Variants in FAM227B observed in about 807,000 individuals in gnomAD.
FAM227B encodes family with sequence similarity 227 member B.
Under a neutral mutation model 73.8 loss-of-function variants are expected in FAM227B, and 88 were observed. The observed-to-expected ratio is 1.19, with a 90% confidence interval of 1.00 to 1.42. The LOEUF is 1.42. FAM227B is among the 40% of genes most tolerant of loss of function. The pLI, the probability that FAM227B is intolerant of heterozygous loss-of-function variation, is 0.00. For missense variants in FAM227B, 632 were observed against 590.9 expected (o/e 1.07, Z -0.72); for synonymous variants, 210 against 190.5 (o/e 1.10, Z -0.84).
At chr15:49,440,902 A>G (rs2051575952) in intron 11 of FAM227B, among the ~76,000 whole-genome samples, 1 of 151,784 alleles carries the variant, frequency 6.6e-6, no homozygotes, top group South Asian at 2.1e-4. Context: ...TAAGTTTTCT[A>G]TCAAGATGAT....
intron 9 of FAM227B, among the ~76,000 whole-genome samples, chr15:49,556,985 C>G (rs1483734814): frequency 6.6e-6 from 1 of 152,130 alleles, no homozygotes; most frequent in East Asian, 1.9e-4. Context: ...GCCTGCTCAT[C>G]TCACCTCTTC....
At chr15:49,519,149 T>C (rs2059599016) in intron 10 of FAM227B, among the ~76,000 whole-genome samples, 1 of 152,212 alleles carries the variant, frequency 6.6e-6, no homozygotes, top group Admixed American at 6.5e-5. Flanking sequence ...CACATCTACA[T>C]CATGCTGATG....
chr15:49,412,397 G>A (rs1215614749), intron 11 of FAM227B, among the ~76,000 whole-genome samples: 1 of 152,068 alleles, frequency 6.6e-6, no homozygotes, highest in Non-Finnish European at 1.5e-5. Context: ...TCTATGGAAA[G>A]AAGTATAGCT....
chr15:49,392,465 G>C (rs183244027), intron 11 of FAM227B, among the ~76,000 whole-genome samples: 2 of 152,254 alleles, frequency 1.3e-5, no homozygotes, highest in African/African-American at 4.8e-5. Context: ...CTTAAAAACT[G>C]ATTAGATTTG....
intron 3 of FAM227B, among the ~76,000 whole-genome samples, chr15:49,606,941 C>CA (rs1401719658): frequency 3.3e-5 from 5 of 152,124 alleles, no homozygotes; most frequent in South Asian, 2.1e-4. Context: ...GAAAGTTAGT[C>CA]AACATAATTA....
chr15:49,352,667 G>A (rs2042421134), intron 13 of FAM227B, among the ~76,000 whole-genome samples: 1 of 152,138 alleles, frequency 6.6e-6, no homozygotes, highest in African/African-American at 2.4e-5. Flanking sequence ...ACTTGCTCCA[G>A]AACATCCTTT....
intron 5 of FAM227B, among the ~76,000 whole-genome samples, chr15:49,586,993 G>T (rs1427177500): frequency 6.6e-6 from 1 of 151,812 alleles, no homozygotes; most frequent in African/African-American, 2.4e-5. Context: ...GAACTCAAAA[G>T]GAATATATAT....
At chr15:49,483,670 C>T (rs1185525535) in intron 11 of FAM227B, among the ~76,000 whole-genome samples, 1 of 152,036 alleles carries the variant, frequency 6.6e-6, no homozygotes, top group Non-Finnish European at 1.5e-5. Context: ...ACATCAATCT[C>T]ACAATCATGG....
intron 13 of FAM227B, among the ~76,000 whole-genome samples, chr15:49,362,354 C>T (rs1387160904): frequency 6.6e-6 from 1 of 152,192 alleles, no homozygotes; most frequent in Non-Finnish European, 1.5e-5. Context: ...TTCCCCTTCA[C>T]ATTCTGCTGT....
intron 5 of FAM227B, among the ~76,000 whole-genome samples, chr15:49,578,420 AAT>A (rs948373307): frequency 6.6e-6 from 1 of 151,854 alleles, no homozygotes; most frequent in African/African-American, 2.4e-5. Flanking sequence ...GTCATGTTTA[AAT>A]ATATATATAT....
Position 49,327,718 on chromosome 15 carries a change from G to GACTT in FAM227B, c.*846_*849dup, listed in dbSNP as rs2037770338. The GACTT allele has an allele frequency of 5.1e-6, 2 of 388,778 alleles. No homozygotes were observed. The highest frequency in any genetic ancestry group is 8.2e-5 in the East Asian group (2 of 24,276). The allele number at this position is 388,778 out of a possible 1,614,324, so 24.1% of individuals were successfully genotyped here. ...GTCATGAAATGGGAGGAGTACTGTT[G>GACTT]ACTTACCACTTGGAGTCAAAACCAG... On this transcript the variant is annotated 3_prime_UTR_variant, in exon 16 of 16. Transcript: ENST00000299338.
intron 11 of FAM227B, among the ~76,000 whole-genome samples, chr15:49,500,859 T>A (rs2058077980): frequency 6.6e-6 from 1 of 152,100 alleles, no homozygotes. Context: ...TGCTCTGAGT[T>A]CATATGAGGT....
intron 11 of FAM227B, among the ~76,000 whole-genome samples, chr15:49,421,671 G>C (rs1390807516): frequency 6.6e-6 from 1 of 152,172 alleles, no homozygotes; most frequent in Non-Finnish European, 1.5e-5. Flanking sequence ...AGTAGCTCTT[G>C]AATATCTTTA....
At chr15:49,450,612 A>T (rs2052635119) in intron 11 of FAM227B, among the ~76,000 whole-genome samples, 1 of 152,152 alleles carries the variant, frequency 6.6e-6, no homozygotes, top group African/African-American at 2.4e-5. Context: ...CAGTGGTACA[A>T]TTCAAGGGCT....
intron 11 of FAM227B, among the ~76,000 whole-genome samples, chr15:49,413,529 C>T (rs1414492672): frequency 6.6e-6 from 1 of 152,058 alleles, no homozygotes; most frequent in Non-Finnish European, 1.5e-5. Flanking sequence ...TTTCCATCTC[C>T]CTTACCATAA....
chr15:49,585,418 A>C (rs1368215627), intron 5 of FAM227B, among the ~76,000 whole-genome samples: 3 of 152,224 alleles, frequency 2.0e-5, no homozygotes, highest in Admixed American at 6.5e-5. Context: ...CACTATTCAC[A>C]ATAGCAAAGA....
In FAM227B at chr15:49,366,772, C is replaced by T. The variant is rs909519630; in HGVS notation, c.1271+676G>A. The stretch of plus-strand genomic sequence containing the variant: ...TCCCGCCACTGCGCTGCCTCCGTGG[C>T]GGGGGCGGCCGGGCTAGGCTGGGAT... On this transcript the variant is annotated intron_variant, in intron 13 of 15. Transcript: ENST00000299338. 11 of 636,696 alleles carry T rather than the reference C, an allele frequency of 1.7e-5. 1 individual carries two copies. The Admixed American group carries it at 2.6e-4, about 15-fold the overall frequency. The allele number at this position is 636,696 out of a possible 1,614,324, so 39.4% of individuals were successfully genotyped here.
chr15:49,550,328 C>A (rs1386903846), intron 9 of FAM227B, among the ~76,000 whole-genome samples: 2 of 140,060 alleles, frequency 1.4e-5, no homozygotes, highest in African/African-American at 5.4e-5. Context: ...GCTGGCCGGG[C>A]GGCGGGCTGA....
intron 5 of FAM227B, among the ~76,000 whole-genome samples, chr15:49,579,879 TA>T (rs1275295609): frequency 6.6e-6 from 1 of 152,210 alleles, no homozygotes; most frequent in African/African-American, 2.4e-5. Context: ...TGAATCAAAA[TA>T]TCACATGTAC....
Sources: allele counts gnomAD v4.1 joint callset (sites outside exome capture counted in the v4.1 genomes callset), GRCh38; gene constraint gnomAD v4.1.1; transcripts MANE v1.5; gene names NCBI Gene and HGNC (gene_info 2026-07-23, HGNC 2026-07-21).